The following IL17RA variants were observed in gnomAD, a reference collection of about 807,000 sequenced individuals.
IL17RA encodes the protein interleukin 17 receptor A.
Under a neutral mutation model 50.4 loss-of-function variants are expected in IL17RA, and 34 were observed. The observed-to-expected ratio is 0.67, with a 90% CI of 0.51 to 0.90. The LOEUF (loss-of-function observed/expected upper bound fraction) is 0.90, where lower values mean the gene tolerates loss of function less well. Among genes scored for constraint, IL17RA ranks in the 40% least tolerant of loss-of-function variants. The pLI is 0.00. For missense variants in IL17RA, 1,276 were observed against 1,169.8 expected (o/e 1.09, Z -1.32); for synonymous variants, 585 against 510.4 (o/e 1.15, Z -1.97).
chr22:17,102,082 C>T, intron 6 of IL17RA, 39 bp downstream of exon 6: 1 of 1,612,058 alleles, frequency 6.2e-7, no homozygotes, highest in Non-Finnish European at 8.5e-7. Flanking sequence ...TGGATGCATA[C>T]ACATGCACAT....
Position 17,085,086 on chromosome 22 carries a change from C to T in IL17RA, c.-6C>T. 1 of 1,317,858 alleles carries T rather than the reference C, an allele frequency of 7.6e-7. No homozygotes were observed. 81.6% of individuals were successfully genotyped at this position (1,317,858 alleles called of 1,614,324 possible). On this transcript the variant is annotated 5_prime_UTR_variant, in exon 1 of 13. Coordinates refer to ENST00000319363, the MANE Select transcript of IL17RA (RefSeq NM_014339.7). ...GGGCCGAGCCCTCCGCGACGCCAGC[C>T]GGGCCATGGGGGCCGCACGCAGCCC...
chr22:17,105,626 A>G, intron 10 of IL17RA, 24 bp downstream of exon 10: 1 of 1,612,594 alleles, frequency 6.2e-7, no homozygotes, highest in Non-Finnish European at 8.5e-7. Context: ...TCTCTCCGAC[A>G]GCACTGCAGC....
intron 1 of IL17RA, among the ~76,000 whole-genome samples, chr22:17,086,986 G>A (rs1355242853): frequency 1.3e-5 from 2 of 152,182 alleles, no homozygotes; most frequent in South Asian, 2.1e-4. Context: ...GCAGAAGCAC[G>A]GCCTGGCTCC....
intron 5 of IL17RA, among the ~76,000 whole-genome samples, chr22:17,100,692 C>A (rs1163476661): frequency 6.6e-6 from 1 of 152,190 alleles, no homozygotes; most frequent in Admixed American, 6.5e-5. Flanking sequence ...TCTCTGTTGG[C>A]ACAACAGTGG....
chr22:17,112,389 T>G lies in IL17RA; in HGVS notation c.*2569T>G, dbSNP rs1475254938. On this transcript the variant is annotated 3_prime_UTR_variant, in exon 13 of 13. Coordinates refer to ENST00000319363, the MANE Select transcript of IL17RA (RefSeq NM_014339.7). Reference sequence around the variant, plus strand: ...CACAGTTCAGCAGCCATCAGCACAGTCAGTCTTAGAGTTTACTACCCCCAA... The same window carrying G: ...CACAGTTCAGCAGCCATCAGCACAGGCAGTCTTAGAGTTTACTACCCCCAA... The G allele has an allele frequency of 6.6e-6, 1 of 152,272 alleles. No homozygotes were observed. The highest frequency in any genetic ancestry group is 1.5e-5 in the Non-Finnish European group (1 of 68,120). The allele number at this position is 152,272 out of a possible 1,614,324, so 9.4% of individuals were successfully genotyped here. A position where few individuals can be genotyped will look rare whatever the true frequency, so the allele number is the denominator to read the frequency against.
chr22:17,094,654 A>ACTCTCT (rs774982179), intron 1 of IL17RA, among the ~76,000 whole-genome samples: 37 of 21,608 alleles, frequency 1.7e-3, no homozygotes, highest in African/African-American at 4.0e-3. Flanking sequence ...AGTCATACAC[A>ACTCTCT]CACTCTCTCT....
intron 1 of IL17RA, among the ~76,000 whole-genome samples, chr22:17,092,089 G>A (rs372602907): frequency 1.9e-4 from 29 of 152,268 alleles, no homozygotes; most frequent in African/African-American, 6.7e-4. Context: ...TCTGGGAAGG[G>A]GAGAGGGAAC....
At chr22:17,092,893 T>C (rs961750763) in intron 1 of IL17RA, among the ~76,000 whole-genome samples, 2 of 152,238 alleles carry the variant, frequency 1.3e-5, no homozygotes, top group African/African-American at 4.8e-5. Flanking sequence ...TTTCATAGAC[T>C]AACCCTTCTA....
rs2123817283 is a variant in IL17RA at position 17,112,985 on chromosome 22, C to T, written c.*3165C>T. 9.4e-6 allele frequency: 1 copy of T among 106,274 alleles called. No individual in the cohort carries two copies. 6.6% of individuals were successfully genotyped at this position (106,274 alleles called of 1,614,324 possible). A position where few individuals can be genotyped will look rare whatever the true frequency, so the allele number is the denominator to read the frequency against. On this transcript the variant is annotated 3_prime_UTR_variant, in exon 13 of 13. Transcript: ENST00000319363. ...ACTTTTTCCTGCCTACTATCTTGAT[C>T]CTAGTTTTTTTTTTGTTTTTTTTTT...
In IL17RA at chr22:17,107,729, C is replaced by T; in HGVS notation, c.1048C>T (p.Pro350Ser). ...AGTGTATTTCTTTTCCTTTCCAGGGCCTGGAAGTGAAAAATACAGTGATGA... is the reference window on the plus strand; with the variant it reads ...AGTGTATTTCTTTTCCTTTCCAGGGTCTGGAAGTGAAAAATACAGTGATGA... ...IVCMTWRLAG[P>S]GSEKYSDDTK... Residue 350 changes from proline (P) to serine (S), a missense_variant and splice_region_variant, in exon 12 of 13, where the codon CCT becomes TCT. Pro to Ser is a moderately conservative substitution (Grantham distance 74, BLOSUM62 -1). Coordinates refer to ENST00000319363, the MANE Select transcript of IL17RA (RefSeq NM_014339.7). 1 of 1,613,162 alleles carries T rather than the reference C, an allele frequency of 6.2e-7. No individual in the cohort carries two copies. The highest frequency in any genetic ancestry group is 1.3e-5 in the African/African-American group (1 of 75,052).
In IL17RA at chr22:17,100,466, A is replaced by G; in HGVS notation, c.535A>G (p.Asn179Asp). 6.2e-7 allele frequency: 1 copy of G among 1,614,074 alleles called. No homozygotes were observed. Among genetic ancestry groups the G allele is most frequent in the Non-Finnish European group, 8.5e-7 (1 of 1,180,006 alleles). ...TGGGGACCCAAACCACCAGTCCAAG[A>G]ATTTCCTTGTGCCTGGTAAGAGCAT... is the stretch of plus-strand genomic sequence containing the variant. ...PDGDPNHQSK[N>D]FLVPDCEHAR... The change falls in exon 5 of 13, where the codon AAT becomes GAT. Residue 179 changes from asparagine (N) to aspartate (D), a missense_variant. Coordinates refer to ENST00000319363, the MANE Select transcript of IL17RA (RefSeq NM_014339.7).
In IL17RA at chr22:17,109,373, C is replaced by T; in HGVS notation, c.2154C>T (p.Phe718=). The change falls in exon 13 of 13, where the codon TTC becomes TTT. Residue 718 remains phenylalanine (F), a synonymous_variant. Transcript: ENST00000319363. ...GCGCTGGGCGAAATAGCGTCCTCTT[C>T]CTCCCCGTGGACCCCGAGGACTCGC... The part of the protein sequence containing the change: ...SPGAGRNSVL[F]LPVDPEDSPL... 2.5e-6 allele frequency: 4 copies of T among 1,610,980 alleles called. No homozygotes were observed. Among genetic ancestry groups the T allele is most frequent in the Non-Finnish European group, 2.5e-6 (3 of 1,179,598 alleles).
intron 1 of IL17RA, chr22:17,093,845 G>T: frequency 1.3e-5 from 2 of 155,006 alleles, no homozygotes; most frequent in South Asian, 3.7e-4. Flanking sequence ...GGGACTTTTT[G>T]AGTGACCAAG....
At position 17,109,014 on chromosome 22, in the gene IL17RA, C is replaced by T. The variant is rs2061427236; in HGVS notation, c.1795C>T (p.Pro599Ser). 1 of 1,598,938 alleles carries T rather than the reference C, an allele frequency of 6.3e-7. No homozygotes were observed. The highest frequency in any genetic ancestry group is 1.7e-5 in the Admixed American group (1 of 59,696). ...NLYSADDQDAPSLDEEVFEEP... is the reference protein window; with the variant it reads ...NLYSADDQDASSLDEEVFEEP... The stretch of plus-strand genomic sequence containing the variant: ...CTACTCAGCAGATGACCAGGATGCC[C>T]CGTCCCTGGACGAAGAGGTGTTTGA... Residue 599 changes from proline (P) to serine (S), a missense_variant, in exon 13 of 13, where the codon CCG (proline) becomes TCG (serine). Coordinates refer to ENST00000319363, the MANE Select transcript of IL17RA (RefSeq NM_014339.7).
chr22:17,101,004 C>A (rs2061389234), intron 5 of IL17RA, among the ~76,000 whole-genome samples: 1 of 152,168 alleles, frequency 6.6e-6, no homozygotes, highest in African/African-American at 2.4e-5. Context: ...TGTACATGTA[C>A]CTTCTACTTC....
At chr22:17,096,883 A>C (rs1324140537) in intron 1 of IL17RA, among the ~76,000 whole-genome samples, 179 bp from the exon 2 acceptor site, 2 of 151,718 alleles carry the variant, frequency 1.3e-5, no homozygotes, top group African/African-American at 4.8e-5. Flanking sequence ...AAAAAAAAAA[A>C]AAAAGCACCA....
chr22:17,109,384 A>AC lies in IL17RA; in HGVS notation c.2169dup (p.Glu724ArgfsTer15). 6.2e-7 allele frequency: 1 copy of AC among 1,612,250 alleles called. No individual in the cohort carries two copies. The highest frequency in any genetic ancestry group is 1.1e-5 in the South Asian group (1 of 90,930). On this transcript the variant is annotated frameshift_variant, in exon 13 of 13. Transcript: ENST00000319363. LOFTEE classifies it low-confidence loss of function (END_TRUNC). ...AATAGCGTCCTCTTCCTCCCCGTGG[A>AC]CCCCGAGGACTCGCCCCTTGGCAGC...
rs771190943 is a variant in IL17RA, at chr22:17,109,274, C to T, written c.2055C>T (p.Pro685=). The T allele has an allele frequency of 1.3e-6, 2 of 1,511,078 alleles. No homozygotes were observed. The highest frequency in any genetic ancestry group is 2.5e-5 in the East Asian group (1 of 40,816). The allele number at this position is 1,511,078 out of a possible 1,614,324, so 93.6% of individuals were successfully genotyped here. ...GALVAAVEPG[P]LADGAAVRLA... ...TGGTGGCCGCGGTGGAGCCTGGGCC[C>T]CTGGCTGACGGTGCCGCAGTCCGGC... The change falls in exon 13 of 13, where the codon CCC becomes CCT. Residue 685 remains proline (P), a synonymous_variant. Coordinates refer to ENST00000319363, the MANE Select transcript of IL17RA (RefSeq NM_014339.7).
rs1025066952 is a variant in IL17RA at position 17,111,977 on chromosome 22, G to A, written c.*2157G>A. ...GCAAAGGACCAGGCAAAGGAGAACA[G>A]GAGCAGAAGCCTCCCAGCCACTAGC... On this transcript the variant is annotated 3_prime_UTR_variant, in exon 13 of 13. Transcript: ENST00000319363. 5 of 152,192 alleles carry A rather than the reference G, an allele frequency of 3.3e-5. No homozygotes were observed. Among genetic ancestry groups the A allele is most frequent in the African/African-American group, 1.2e-4 (5 of 41,424 alleles). 9.4% of individuals were successfully genotyped at this position (152,192 alleles called of 1,614,324 possible).
Sources: allele counts gnomAD v4.1 joint callset (sites outside exome capture counted in the v4.1 genomes callset), GRCh38; gene constraint gnomAD v4.1.1; transcripts MANE v1.5; gene names NCBI Gene and HGNC (gene_info 2026-07-23, HGNC 2026-07-21).